The following MMP8 variants were observed in gnomAD, a reference collection of about 807,000 sequenced individuals.
The protein encoded by MMP8 is matrix metallopeptidase 8.
A neutral mutation model predicts 51.2 loss-of-function variants in MMP8; 67 were observed. The observed-to-expected ratio is 1.31, with a 90% CI of 1.08 to 1.60. MMP8 has a LOEUF of 1.60. Ranked by LOEUF, MMP8 falls within the 40% of genes most tolerant of loss-of-function variation. The probability of loss-of-function intolerance (pLI) is 0.00; values close to 1 mark genes in which losing one functional copy is unlikely to be tolerated. For missense variants in MMP8, 654 were observed against 558.1 expected (o/e 1.17, Z -1.73); for synonymous variants, 225 against 191.0 (o/e 1.18, Z -1.47).
intron 4 of MMP8, among the ~76,000 whole-genome samples, chr11:102,719,573 A>C (rs1462174943): frequency 1.3e-5 from 2 of 152,186 alleles, no homozygotes; most frequent in African/African-American, 4.8e-5. Context: ...ATTGGGGTCA[A>C]ACCCAGGTAT....
intron 4 of MMP8, among the ~76,000 whole-genome samples, chr11:102,720,718 A>G (rs557791799): frequency 2.8e-4 from 42 of 152,350 alleles, no homozygotes; most frequent in African/African-American, 9.4e-4. Context: ...GTACAGAAGC[A>G]TACCACTGAA....
chr11:102,721,213 T>C (rs961365448), intron 4 of MMP8, among the ~76,000 whole-genome samples, 188 bp downstream of exon 4: 2 of 151,950 alleles, frequency 1.3e-5, no homozygotes, highest in African/African-American at 4.8e-5. Flanking sequence ...CAGCATGTCT[T>C]TTTCTTTCTT....
chr11:102,722,352 CA>C, intron 2 of MMP8, 76 bp downstream of exon 2: 1 of 1,460,846 alleles, frequency 6.8e-7, no homozygotes, highest in Non-Finnish European at 9.3e-7. Context: ...TAGTGTATCC[CA>C]AGAACAGTGT....
rs761203662 is a variant in MMP8 at position 102,716,380 on chromosome 11, G to A, written c.824C>T (p.Thr275Ile). The A allele has an allele frequency of 2.5e-6, 4 of 1,574,542 alleles. No homozygotes were observed. In the South Asian group the frequency reaches 4.4e-5, roughly 17 times the overall value. Residue 275 changes from threonine (T) to isoleucine (I), a missense_variant, in exon 6 of 10, where the codon ACA becomes ATA. Coordinates refer to ENST00000236826, the MANE Select transcript of MMP8 (RefSeq NM_002424.3). ...CAAACTGGGGTCACAGGGTTTGGGT[G>A]TGCTTGGTCCAGTAGGTTGGATAGG... is the stretch of plus-strand genomic sequence containing the variant. ...SNPIQPTGPS[T>I]PKPCDPSLTF...
Position 102,712,547 on chromosome 11 carries a change from C to T in MMP8, c.*801G>A, listed in dbSNP as rs150906749. 4 of 152,102 alleles carry T rather than the reference C, an allele frequency of 2.6e-5. 1 individual carries two copies. Among genetic ancestry groups the T allele is most frequent in the Non-Finnish European group, 4.4e-5 (3 of 67,994 alleles). 9.4% of individuals were successfully genotyped at this position (152,102 alleles called of 1,614,324 possible). On this transcript the variant is annotated 3_prime_UTR_variant, in exon 10 of 10. Transcript: ENST00000236826. ...CACTTGAAGGCTATTGGAGGGAATC[C>T]TTCCTTGCCTCTTCAAAGCTTCTAC...
In MMP8 at chr11:102,715,303, C is replaced by A; in HGVS notation, c.1036+1G>T. Reference sequence around the variant, plus strand: ...ATAAGATGAAAACTTTAGGAAGTTACCTTTAAATAGGAAAATGAGGTCTCT... The same window carrying A: ...ATAAGATGAAAACTTTAGGAAGTTAACTTTAAATAGGAAAATGAGGTCTCT... On this transcript the variant is annotated splice_donor_variant, in intron 7 of 9. Transcript: ENST00000236826. LOFTEE classifies it high-confidence loss of function. 6.2e-7 allele frequency: 1 copy of A among 1,608,564 alleles called. No homozygotes were observed. Among genetic ancestry groups the A allele is most frequent in the South Asian group, 1.1e-5 (1 of 90,132 alleles).
At chr11:102,717,072 T>C (rs930815056) in intron 5 of MMP8, among the ~76,000 whole-genome samples, 1 of 152,148 alleles carries the variant, frequency 6.6e-6, no homozygotes, top group Non-Finnish European at 1.5e-5. Context: ...CCTGGCATGC[T>C]TGCTTGATTT....
At chr11:102,713,939 A>G (rs1309837609) in intron 8 of MMP8, 82 bp from the exon 9 acceptor site, 5 of 870,476 alleles carry the variant, frequency 5.7e-6, no homozygotes, top group African/African-American at 5.3e-5. Context: ...TATAATTTAC[A>G]AAGTCTCCTC....
intron 5 of MMP8, 108 bp downstream of exon 5, chr11:102,718,306 G>A: frequency 8.2e-7 from 1 of 1,214,526 alleles, no homozygotes; most frequent in Non-Finnish European, 1.2e-6. Flanking sequence ...TCAGAGTTCA[G>A]TTTTATGGAA....
In MMP8 at chr11:102,718,112, C is replaced by G. The variant is rs896609867; in HGVS notation, c.784+302G>C. Among the ~76,000 whole-genome samples the G allele has an allele frequency of 5.4e-5, 8 of 148,522 alleles. No homozygotes were observed. The South Asian group carries it at 6.5e-4, about 12-fold the overall frequency. The stretch of plus-strand genomic sequence containing the variant: ...ACAGAGTGAGACTCCATCCCCCCCC[C>G]CAAAAAAAATTTAAAATTGGAAATT... On this transcript the variant is annotated intron_variant, in intron 5 of 9. Transcript: ENST00000236826.
chr11:102,714,685 C>A lies in MMP8; in HGVS notation c.1061G>T (p.Gly354Val). The change falls in exon 8 of 10, where the codon GGC (glycine) becomes GTC (valine). Residue 354 changes from glycine to valine, a missense_variant. By Grantham distance (109) the Gly-to-Val change is moderately radical. Coordinates refer to ENST00000236826, the MANE Select transcript of MMP8 (RefSeq NM_002424.3). ...FKGNQYWALSGYDILQGYPKD... is the reference protein window; with the variant it reads ...FKGNQYWALSVYDILQGYPKD... ...GGGATAACCTTGCAGAATATCATAG[C>A]CACTCAGAGCCCAGTATTGGTTGCC... 1 of 1,526,812 alleles carries A rather than the reference C, an allele frequency of 6.5e-7. No individual in the cohort carries two copies. Among genetic ancestry groups the A allele is most frequent in the South Asian group, 1.3e-5 (1 of 76,606 alleles). The allele number at this position is 1,526,812 out of a possible 1,614,324, so 94.6% of individuals were successfully genotyped here.
intron 4 of MMP8, 91 bp from the exon 5 acceptor site, chr11:102,718,666 C>T: frequency 1.4e-6 from 2 of 1,451,302 alleles, no homozygotes; most frequent in Non-Finnish European, 9.6e-7. Flanking sequence ...CAAGTCAAAA[C>T]TGCTCAGGGA....
In MMP8 at chr11:102,718,547, A is replaced by T. The variant is rs756488752; in HGVS notation, c.651T>A (p.His217Gln). 9.9e-6 allele frequency: 16 copies of T among 1,613,820 alleles called. No individual in the cohort carries two copies. Among genetic ancestry groups the T allele is most frequent in the East Asian group, 4.5e-5 (2 of 44,886 alleles). Residue 217 changes from histidine (H) to glutamine (Q), a missense_variant, in exon 5 of 10, where the codon CAT becomes CAA. His to Gln is a conservative substitution (Grantham distance 24). Transcript: ENST00000236826. ...ANYNLFLVAA[H>Q]EFGHSLGLAH... The stretch of plus-strand genomic sequence containing the variant: ...CGAGCCCCAAAGAATGGCCAAATTC[A>T]TGAGCAGCAACAAGAAACAAGTTGT...
intron 4 of MMP8, among the ~76,000 whole-genome samples, chr11:102,719,316 T>C (rs568368946): frequency 6.6e-6 from 1 of 151,896 alleles, no homozygotes; most frequent in South Asian, 2.1e-4. Context: ...GCTTGCCTTT[T>C]AACATGAATC....
rs12808805 is a variant in MMP8 at position 102,714,752 on chromosome 11, T to G, written c.1037-43A>C. 1,759 of 764,152 alleles carry G rather than the reference T, an allele frequency of 2.3e-3. 7 individuals are homozygous for G. The highest frequency in any genetic ancestry group is 2.6e-3 in the Non-Finnish European group (1,466 of 553,658). 47.3% of individuals were successfully genotyped at this position (764,152 alleles called of 1,614,324 possible). On this transcript the variant is annotated intron_variant, in intron 7 of 9. Coordinates refer to ENST00000236826, the MANE Select transcript of MMP8 (RefSeq NM_002424.3). Reference sequence around the variant, plus strand: ...TAAGTGTTAAATACGACTTTTCCATTTTTACAAAATTATATATATATATAT... The same window carrying G: ...TAAGTGTTAAATACGACTTTTCCATGTTTACAAAATTATATATATATATAT...
At chr11:102,722,737 G>T (rs1231238903) in intron 1 of MMP8, 64 bp from the exon 2 acceptor site, 15 of 1,586,044 alleles carry the variant, frequency 9.5e-6, no homozygotes, top group Non-Finnish European at 1.2e-5. Context: ...TGGTCATTTT[G>T]CAACCCTTTC....
At chr11:102,723,228 G>A (rs1023709915) in intron 1 of MMP8, 25 of 406,436 alleles carry the variant, frequency 6.2e-5, no homozygotes, top group Non-Finnish European at 1.0e-4. Context: ...ATTGATATTA[G>A]CATTTTATTC....
chr11:102,722,769 T>A, intron 1 of MMP8, 96 bp from the exon 2 acceptor site: 1 of 1,502,530 alleles, frequency 6.7e-7, no homozygotes. Context: ...AGAGGTCTGA[T>A]AACTTGACAG....
chr11:102,718,324 A>G, intron 5 of MMP8, 90 bp downstream of exon 5: 1 of 1,326,684 alleles, frequency 7.5e-7, no homozygotes, highest in Non-Finnish European at 1.0e-6. Context: ...GAAACTGCAG[A>G]AGTGCAAAGG....
Sources: gnomAD v4.1 joint callset for allele counts (sites outside exome capture counted in the v4.1 genomes callset) on GRCh38, gnomAD v4.1.1 for gene constraint, MANE v1.5 for transcripts, NCBI Gene and HGNC (gene_info 2026-07-23, HGNC 2026-07-21) for gene names.